Variants in NAA11 observed in about 807,000 individuals in gnomAD.
NAA11 encodes N-alpha-acetyltransferase 11, NatA catalytic subunit.
In NAA11, 15 loss-of-function variants were observed where a neutral mutation model predicts 16.1. The observed-to-expected ratio is 0.93, with a 90% CI of 0.62 to 1.44. NAA11 has a LOEUF of 1.44. NAA11 is among the 40% of genes most tolerant of loss of function. NAA11 has a pLI of 0.00. For synonymous variants in NAA11, 122 were observed against 112.4 expected (o/e 1.09, Z -0.54); for missense variants, 298 against 291.3 (o/e 1.02, Z -0.17).
At chr4:79,308,880 T>C (rs1346688801) in intron 1 of NAA11, 1 of 152,182 alleles carries the variant, frequency 6.6e-6, no homozygotes, top group Admixed American at 6.5e-5. Flanking sequence ...GTGCTTCTTA[T>C]AGTTATATAG....
chr4:79,297,142 G>A (rs111532276), intron 1 of NAA11, among the ~76,000 whole-genome samples: 76 of 152,268 alleles, frequency 5.0e-4, no homozygotes, highest in African/African-American at 1.6e-3. Flanking sequence ...TGCCGCTGTC[G>A]CCTGCCACCG....
chr4:79,230,855 C>T (rs1721445619), intron 2 of NAA11, among the ~76,000 whole-genome samples: 1 of 151,970 alleles, frequency 6.6e-6, no homozygotes, highest in Admixed American at 6.6e-5. Context: ...AGCCCCAGAT[C>T]CATAGTTCTA....
the NAA11 span, among the ~76,000 whole-genome samples, chr4:79,214,796 T>TA: frequency 3.6e-4 from 55 of 151,034 alleles, 1 homozygote; most frequent in East Asian, 9.6e-3. Flanking sequence ...AGACTCCATC[T>TA]AAAAAAAAAT....
the NAA11 span, among the ~76,000 whole-genome samples, chr4:79,212,858 G>A: frequency 2.6e-5 from 4 of 152,092 alleles, no homozygotes; most frequent in Admixed American, 6.6e-5. Flanking sequence ...GCATGCACTA[G>A]TGGTCTTGGA....
At chr4:79,180,854 G>A in the NAA11 span, among the ~76,000 whole-genome samples, 2 of 152,120 alleles carry the variant, frequency 1.3e-5, no homozygotes, top group Non-Finnish European at 2.9e-5. Context: ...TGATAGACTG[G>A]ATTAAGAAAA....
intron 2 of NAA11, among the ~76,000 whole-genome samples, chr4:79,274,820 T>C (rs1722609712): frequency 6.6e-6 from 1 of 152,088 alleles, no homozygotes; most frequent in Non-Finnish European, 1.5e-5. Flanking sequence ...ACATTCAAGA[T>C]GGCTGCTCAC....
chr4:79,273,570 A>G (rs34842991), intron 2 of NAA11, among the ~76,000 whole-genome samples: 3,310 of 152,048 alleles, frequency 0.022, 49 homozygotes, highest in Non-Finnish European at 0.034. Context: ...TAACCCTAAT[A>G]TCTATAATGT....
downstream of NAA11, among the ~76,000 whole-genome samples, chr4:79,223,384 C>G (rs1388862962): frequency 6.7e-6 from 1 of 149,998 alleles, no homozygotes; most frequent in Admixed American, 6.7e-5. Flanking sequence ...TCTCAGTGAA[C>G]TATCACAAGA....
chr4:79,218,745 A>T, the NAA11 span, among the ~76,000 whole-genome samples: 7 of 152,090 alleles, frequency 4.6e-5, no homozygotes, highest in Non-Finnish European at 8.8e-5. Flanking sequence ...GTGTAATTGA[A>T]TAAAATCAAC....
intron 2 of NAA11, among the ~76,000 whole-genome samples, chr4:79,243,176 G>T (rs1721731649): frequency 6.6e-6 from 1 of 152,154 alleles, no homozygotes; most frequent in Admixed American, 6.5e-5. Context: ...CATCAAGAAA[G>T]ATGTCCCCAG....
At chr4:79,275,485 T>C (rs1722627062) in intron 2 of NAA11, among the ~76,000 whole-genome samples, 1 of 152,080 alleles carries the variant, frequency 6.6e-6, no homozygotes, top group South Asian at 2.1e-4. Context: ...ACCTAGACCT[T>C]GTCCTGAAGT....
chr4:79,283,536 A>T (rs1722842099), intron 2 of NAA11, among the ~76,000 whole-genome samples: 1 of 152,062 alleles, frequency 6.6e-6, no homozygotes, highest in African/African-American at 2.4e-5. Context: ...TTTCTGTTTG[A>T]TTGCTTCTAT....
chr4:79,169,283 A>G, the NAA11 span, among the ~76,000 whole-genome samples: 2 of 152,356 alleles, frequency 1.3e-5, no homozygotes, highest in South Asian at 4.1e-4. Context: ...ATAAAAAAAG[A>G]GTTTGTATAA....
intron 2 of NAA11, chr4:79,245,249 G>A (rs1011636985): frequency 1.9e-5 from 3 of 160,662 alleles, no homozygotes; most frequent in African/African-American, 7.2e-5. Flanking sequence ...CCCAGTCTGG[G>A]AAGTGAGGAG....
chr4:79,177,833 T>C, the NAA11 span, among the ~76,000 whole-genome samples: 5 of 152,142 alleles, frequency 3.3e-5, no homozygotes, highest in Non-Finnish European at 5.9e-5. Context: ...AAGTTTCTTA[T>C]TTGTCTTATT....
chr4:79,266,671 G>A (rs1019861777), intron 2 of NAA11, among the ~76,000 whole-genome samples: 3 of 152,268 alleles, frequency 2.0e-5, no homozygotes, highest in East Asian at 1.9e-4. Context: ...TTTATAAAAC[G>A]TATTCTTCCG....
the NAA11 span, among the ~76,000 whole-genome samples, chr4:79,202,647 A>C: frequency 1.3e-4 from 16 of 126,624 alleles, no homozygotes; most frequent in East Asian, 1.8e-3. Flanking sequence ...ATATATATAT[A>C]TATCTGTGTA....
chr4:79,186,186 G>A, the NAA11 span, among the ~76,000 whole-genome samples: 1 of 152,044 alleles, frequency 6.6e-6, no homozygotes, highest in African/African-American at 2.4e-5. Flanking sequence ...TGTTCCCCCC[G>A]CCTCCCGAAT....
chr4:79,322,642 T>C (rs560967615), intron 1 of NAA11, among the ~76,000 whole-genome samples: 54 of 152,150 alleles, frequency 3.5e-4, no homozygotes, highest in Non-Finnish European at 7.5e-4. Context: ...ATTTGAAAGT[T>C]GAAATTTTTT....
Sources: gnomAD v4.1 joint callset for allele counts (sites outside exome capture counted in the v4.1 genomes callset) on GRCh38, gnomAD v4.1.1 for gene constraint, MANE v1.5 for transcripts, NCBI Gene and HGNC (gene_info 2026-07-23, HGNC 2026-07-21) for gene names.